Variants in TMOD2 observed in about 807,000 individuals in gnomAD.
TMOD2 encodes tropomodulin-2.
TMOD2 carries 22 observed loss-of-function variants against 39.9 expected under a neutral mutation model. The observed-to-expected ratio is 0.55, with a 90% CI of 0.39 to 0.79. TMOD2 has a LOEUF of 0.79. Among genes scored for constraint, TMOD2 ranks in the 30% least tolerant of loss-of-function variants. TMOD2 has a pLI of 0.00. For missense variants in TMOD2, 386 were observed against 413.3 expected, an observed-to-expected ratio of 0.93 and a Z score of 0.57; for synonymous variants, 123 against 146.1, an observed-to-expected ratio of 0.84 and a Z score of 1.14.
At chr15:51,771,241 G>A (rs1416225647) in intron 3 of TMOD2, among the ~76,000 whole-genome samples, 1 of 152,210 alleles carries the variant, frequency 6.6e-6, no homozygotes, top group Admixed American at 6.5e-5. Context: ...GCAGAGCAGA[G>A]CGAAGAGTAT....
intron 7 of TMOD2, among the ~76,000 whole-genome samples, chr15:51,789,773 G>A (rs1017912392): frequency 6.6e-6 from 1 of 152,152 alleles, no homozygotes; most frequent in Admixed American, 6.5e-5. Flanking sequence ...GGTAAATAAC[G>A]AAATGAAGGC....
At chr15:51,789,727 G>T (rs902560660) in intron 7 of TMOD2, among the ~76,000 whole-genome samples, 2 of 152,138 alleles carry the variant, frequency 1.3e-5, no homozygotes, top group East Asian at 3.8e-4. Flanking sequence ...GCACAACTAC[G>T]TGGAAACTGA....
At chr15:51,801,626 T>A (rs1184982593) in intron 8 of TMOD2, among the ~76,000 whole-genome samples, 2 of 152,168 alleles carry the variant, frequency 1.3e-5, no homozygotes, top group Non-Finnish European at 2.9e-5. Flanking sequence ...CAGGTCAATG[T>A]GCAGTGATTT....
At chr15:51,795,203 C>T (rs1462217069) in intron 7 of TMOD2, among the ~76,000 whole-genome samples, 1 of 151,986 alleles carries the variant, frequency 6.6e-6, no homozygotes, top group Non-Finnish European at 1.5e-5. Context: ...AGTGGATCAC[C>T]TGAGGTCAGG....
In TMOD2 at chr15:51,808,744, T is replaced by C; in HGVS notation, c.*290T>C. ...GAATTTAACCACTTTCTTATTGGGT[T>C]GTCTTGCTTTCTTACATGAACTTGT... On this transcript the variant is annotated 3_prime_UTR_variant, in exon 10 of 10. Coordinates refer to ENST00000249700, the MANE Select transcript of TMOD2 (RefSeq NM_014548.4). 1 of 296,584 alleles carries C rather than the reference T, an allele frequency of 3.4e-6. No homozygotes were observed. Among genetic ancestry groups the C allele is most frequent in the East Asian group, 6.2e-5 (1 of 16,004 alleles). 18.4% of individuals were successfully genotyped at this position (296,584 alleles called of 1,614,324 possible). A position where few individuals can be genotyped will look rare whatever the true frequency, so the allele number is the denominator to read the frequency against.
chr15:51,764,750 G>T lies in TMOD2; in HGVS notation c.-69-1623G>T, dbSNP rs553231847. Among the ~76,000 whole-genome samples, 5 of 152,058 alleles carry T rather than the reference G, an allele frequency of 3.3e-5. No homozygotes were observed. In the South Asian group the frequency reaches 8.3e-4, roughly 25 times the overall value. On this transcript the variant is annotated intron_variant, in intron 1 of 9. Transcript: ENST00000249700. Reference sequence around the variant, plus strand: ...AGCATATCATTTACTGTCTTATCCTGTACCCCTTTGTGCTGTTCCCTTTTC... The same window carrying T: ...AGCATATCATTTACTGTCTTATCCTTTACCCCTTTGTGCTGTTCCCTTTTC...
chr15:51,795,784 G>C (rs946661813), intron 7 of TMOD2, among the ~76,000 whole-genome samples: 2 of 151,590 alleles, frequency 1.3e-5, no homozygotes, highest in Non-Finnish European at 2.9e-5. Context: ...TCACCAACTT[G>C]GTCTTCAGCC....
At chr15:51,781,202 G>A in intron 6 of TMOD2, 28 bp downstream of exon 6, 2 of 1,574,186 alleles carry the variant, frequency 1.3e-6, no homozygotes, top group East Asian at 2.3e-5. Flanking sequence ...TCATCAGTCA[G>A]TTAATTTATC....
At chr15:51,782,017 T>C (rs2055934166) in intron 6 of TMOD2, among the ~76,000 whole-genome samples, 1 of 152,204 alleles carries the variant, frequency 6.6e-6, no homozygotes, top group Admixed American at 6.5e-5. Flanking sequence ...GTCATAGAGT[T>C]AGTCTGTAGT....
rs937242333 is a variant in TMOD2, at chr15:51,813,698, G to A, written c.*5244G>A. 4 of 152,140 alleles carry A rather than the reference G, an allele frequency of 2.6e-5. No homozygotes were observed. The highest frequency in any genetic ancestry group is 4.8e-5 in the African/African-American group (2 of 41,420). The allele number at this position is 152,140 out of a possible 1,614,324, so 9.4% of individuals were successfully genotyped here. A position where few individuals can be genotyped will look rare whatever the true frequency, so the allele number is the denominator to read the frequency against. ...ACACTTCCTTAGCTGGGTAACTTTG[G>A]GCAAACCGCTTGGTCTCTCAAGCCT... On this transcript the variant is annotated 3_prime_UTR_variant, in exon 10 of 10. Coordinates refer to ENST00000249700, the MANE Select transcript of TMOD2 (RefSeq NM_014548.4).
rs146583434 is a variant in TMOD2, at chr15:51,790,468, G to T, written c.732+7640G>T. ...ATCATTCCTTCTGAAACTATTCCAA[G>T]CAATAGAAAAAGATGGAATTCTCCC... On this transcript the variant is annotated intron_variant, in intron 7 of 9. Coordinates refer to ENST00000249700, the MANE Select transcript of TMOD2 (RefSeq NM_014548.4). 9.3e-3 allele frequency among the ~76,000 whole-genome samples: 1,411 copies of T among 152,126 alleles called. 15 individuals carry two copies. Among genetic ancestry groups the T allele is most frequent in the African/African-American group, 0.019 (773 of 41,520 alleles).
rs140291459 is a variant in TMOD2, at chr15:51,806,632, T to A, written c.1021+111T>A. The A allele has an allele frequency of 8.2e-6, 10 of 1,224,448 alleles. No homozygotes were observed. In the Admixed American group the frequency reaches 2.0e-4, roughly 25 times the overall value. The allele number at this position is 1,224,448 out of a possible 1,614,324, so 75.8% of individuals were successfully genotyped here. On this transcript the variant is annotated intron_variant, in intron 9 of 9. Coordinates refer to ENST00000249700, the MANE Select transcript of TMOD2 (RefSeq NM_014548.4). ...CCATTCCACTGGCCTCTGATGTCAC[T>A]CACTTCTTCATATAAGACGCATTAT...
intron 7 of TMOD2, chr15:51,783,355 G>A (rs553885892): frequency 1.4e-3 from 211 of 153,776 alleles, no homozygotes; most frequent in African/African-American, 4.8e-3. Flanking sequence ...GGTGGCACGC[G>A]CCTGTAGTCC....
At chr15:51,770,958 G>T (rs1157665868) in intron 3 of TMOD2, among the ~76,000 whole-genome samples, 2 of 152,148 alleles carry the variant, frequency 1.3e-5, no homozygotes, top group Non-Finnish European at 2.9e-5. Flanking sequence ...AATCTTCAAT[G>T]AAGTCCCAAT....
At position 51,768,309 on chromosome 15, in the gene TMOD2, G is replaced by A. The variant is rs752753448; in HGVS notation, c.174G>A (p.Lys58=). The part of the protein sequence containing the change: ...AGFRQKDQTQ[K]AATGPFDREH... ...TTCGACAGAAAGACCAGACACAGAA[G>A]GCAGCCACCGGCCCCTTTGACCGCG... The change falls in exon 3 of 10, where the codon AAG becomes AAA. Residue 58 remains lysine, a synonymous_variant. Transcript: ENST00000249700. 1 of 1,614,170 alleles carries A rather than the reference G, an allele frequency of 6.2e-7. No homozygotes were observed. The highest frequency in any genetic ancestry group is 1.1e-5 in the South Asian group (1 of 91,088).
chr15:51,755,242 A>T (rs988965173), intron 1 of TMOD2, among the ~76,000 whole-genome samples: 3 of 152,196 alleles, frequency 2.0e-5, no homozygotes, highest in African/African-American at 7.2e-5. Flanking sequence ...CATGGACTGA[A>T]ATAGCCACCT....
In TMOD2 at chr15:51,795,601, T is replaced by G. The variant is rs1416532356; in HGVS notation, c.733-2596T>G. On this transcript the variant is annotated intron_variant, in intron 7 of 9. Coordinates refer to ENST00000249700, the MANE Select transcript of TMOD2 (RefSeq NM_014548.4). ...TGCTTTCTTTCTTTCTTTCTTTCTT[T>G]CTTTCTTTCTTTCTTTCTTTCTTTC... 1.2e-4 allele frequency among the ~76,000 whole-genome samples: 16 copies of G among 132,278 alleles called. 1 individual carries two copies. Among genetic ancestry groups the G allele is most frequent in the Admixed American group, 8.0e-4 (11 of 13,710 alleles). 86.8% of individuals were successfully genotyped at this position (132,278 alleles called of 152,430 possible).
At chr15:51,790,552 A>G (rs1224275504) in intron 7 of TMOD2, among the ~76,000 whole-genome samples, 1 of 152,204 alleles carries the variant, frequency 6.6e-6, no homozygotes, top group Non-Finnish European at 1.5e-5. Context: ...AGACACAACA[A>G]AAAAAGAGGA....
At chr15:51,759,922 G>A (rs868540765) in intron 1 of TMOD2, among the ~76,000 whole-genome samples, 37 of 152,372 alleles carry the variant, frequency 2.4e-4, no homozygotes, top group African/African-American at 8.9e-4. Context: ...GGAGAGGGCT[G>A]CCTCTTGGGA....
Sources: gnomAD v4.1 joint callset for allele counts (sites outside exome capture counted in the v4.1 genomes callset) on GRCh38, gnomAD v4.1.1 for gene constraint, MANE v1.5 for transcripts, NCBI Gene and HGNC (gene_info 2026-07-23, HGNC 2026-07-21) for gene names.